SOX5: variants seen among roughly 807,000 people sequenced by gnomAD.
SOX5 encodes the protein SRY-box transcription factor 5.
In SOX5, 9 loss-of-function variants were observed where a neutral mutation model predicts 92.0. The ratio of observed to expected loss-of-function variants is 0.10; its 90% confidence interval spans 0.06 to 0.17. The LOEUF (loss-of-function observed/expected upper bound fraction) is 0.17. Ranked by LOEUF, SOX5 falls within the 10% of genes least tolerant of loss-of-function variation. SOX5 has a pLI of 1.00. For missense variants in SOX5, 642 were observed against 944.5 expected (o/e 0.68, Z 4.20); for synonymous variants, 344 against 336.3 (o/e 1.02, Z -0.25).
At chr12:23,887,917 ATGTG>A (rs61356582) in intron 2 of SOX5, among the ~76,000 whole-genome samples, 4,556 of 144,730 alleles carry the variant, frequency 0.031, 98 homozygotes, top group Non-Finnish European at 0.043. Flanking sequence ...CAGTGTGTAT[ATGTG>A]TGTGTGTGTG....
intron 8 of SOX5, among the ~76,000 whole-genome samples, chr12:23,609,160 A>G (rs1030501173): frequency 7.9e-5 from 12 of 152,302 alleles, no homozygotes; most frequent in East Asian, 1.9e-4. Flanking sequence ...CAAGGGAAAT[A>G]TAGAGATTGG....
At chr12:24,043,773 C>T (rs905254753) in intron 4 of SOX5, among the ~76,000 whole-genome samples, 2 of 152,048 alleles carry the variant, frequency 1.3e-5, no homozygotes, top group African/African-American at 2.4e-5. Context: ...GATATAGCTA[C>T]CTCTTGAATT....
At chr12:24,113,082 G>A (rs1014832040) in intron 4 of SOX5, among the ~76,000 whole-genome samples, 6 of 151,388 alleles carry the variant, frequency 4.0e-5, no homozygotes, top group African/African-American at 1.5e-4. Flanking sequence ...AAGCTGTTCA[G>A]GTGCTTATTT....
chr12:24,395,755 G>C (rs1382068239), intron 1 of SOX5, among the ~76,000 whole-genome samples: 1 of 152,204 alleles, frequency 6.6e-6, no homozygotes. Flanking sequence ...GACCCTGACA[G>C]GCTGGTGCCT....
At chr12:24,183,913 G>A (rs775086807) in intron 4 of SOX5, among the ~76,000 whole-genome samples, 1 of 152,136 alleles carries the variant, frequency 6.6e-6, no homozygotes, top group Non-Finnish European at 1.5e-5. Context: ...ATTAATTTGT[G>A]AGAACTGATG....
chr12:23,703,539 T>C (rs1380044931), intron 6 of SOX5, among the ~76,000 whole-genome samples: 2 of 151,914 alleles, frequency 1.3e-5, no homozygotes, highest in Non-Finnish European at 2.9e-5. Context: ...GGACAGAGAA[T>C]GAAATAAGGT....
At chr12:24,417,532 A>C (rs1403947104) in intron 1 of SOX5, among the ~76,000 whole-genome samples, 1 of 152,246 alleles carries the variant, frequency 6.6e-6, no homozygotes, top group East Asian at 1.9e-4. Context: ...ATAATCTACA[A>C]CAGACAATGT....
chr12:23,774,768 T>C (rs2095046503), intron 3 of SOX5, among the ~76,000 whole-genome samples: 1 of 152,090 alleles, frequency 6.6e-6, no homozygotes, highest in African/African-American at 2.4e-5. Context: ...AGTCATTTTC[T>C]CTGAAGAAAA....
chr12:24,442,492 G>A (rs1940787077), intron 1 of SOX5, among the ~76,000 whole-genome samples: 2 of 152,202 alleles, frequency 1.3e-5, no homozygotes, highest in South Asian at 4.1e-4. Context: ...AAAGAAGAGA[G>A]AGAGATTGTC....
At chr12:24,075,471 C>A (rs556840301) in intron 4 of SOX5, among the ~76,000 whole-genome samples, 2 of 151,536 alleles carry the variant, frequency 1.3e-5, no homozygotes, top group African/African-American at 2.4e-5. Flanking sequence ...TTATCTGGAC[C>A]GTAGGAAAAA....
intron 2 of SOX5, among the ~76,000 whole-genome samples, chr12:24,302,557 ATT>A (rs113586904): frequency 7.4e-5 from 11 of 148,230 alleles, no homozygotes; most frequent in Admixed American, 4.7e-4. Flanking sequence ...ATGAGTTTTG[ATT>A]TTTTTTTTTC....
intron 1 of SOX5, among the ~76,000 whole-genome samples, chr12:24,562,077 C>G (rs1371812955): frequency 6.6e-6 from 1 of 152,238 alleles, no homozygotes; most frequent in East Asian, 1.9e-4. Flanking sequence ...CCAGCCGCCC[C>G]CGGGGATGAC....
intron 2 of SOX5, among the ~76,000 whole-genome samples, chr12:24,313,074 G>C (rs1163953819): frequency 6.6e-6 from 1 of 152,128 alleles, no homozygotes; most frequent in African/African-American, 2.4e-5. Context: ...CTGAGGCAAA[G>C]GGTGTGAGCA....
At chr12:24,357,315 A>G (rs1954963057) in intron 2 of SOX5, 1 of 152,188 alleles carries the variant, frequency 6.6e-6, no homozygotes, top group Non-Finnish European at 1.5e-5. Context: ...GCATGCCTTC[A>G]ACAGCATTTA....
intron 6 of SOX5, among the ~76,000 whole-genome samples, chr12:23,666,941 C>G (rs1416851228): frequency 6.6e-6 from 1 of 152,090 alleles, no homozygotes. Flanking sequence ...ACGATTCTTA[C>G]AGTTCTCATC....
chr12:23,613,623 A>C (rs1010724697), intron 8 of SOX5, among the ~76,000 whole-genome samples: 2 of 152,216 alleles, frequency 1.3e-5, no homozygotes, highest in South Asian at 4.1e-4. Context: ...ATGTCCACTG[A>C]TGGATGAATG....
At chr12:23,938,713 A>T (rs150296033) in intron 1 of SOX5, among the ~76,000 whole-genome samples, 34 of 151,110 alleles carry the variant, frequency 2.3e-4, no homozygotes, top group African/African-American at 7.5e-4. Flanking sequence ...ATGACAAGAG[A>T]TGTGTTTTTG....
At chr12:24,517,888 A>C (rs1216093764) in intron 1 of SOX5, among the ~76,000 whole-genome samples, 7 of 152,172 alleles carry the variant, frequency 4.6e-5, no homozygotes, top group Non-Finnish European at 1.5e-5. Context: ...TCTTTATACC[A>C]ATTCCTACTA....
At chr12:24,470,622 T>A (rs1316331746) in intron 1 of SOX5, among the ~76,000 whole-genome samples, 2 of 152,192 alleles carry the variant, frequency 1.3e-5, no homozygotes, top group Non-Finnish European at 2.9e-5. Flanking sequence ...CTAGTGTGAC[T>A]GCGATTTCCT....
Sources: gnomAD v4.1 joint callset for allele counts (sites outside exome capture counted in the v4.1 genomes callset) on GRCh38, gnomAD v4.1.1 for gene constraint, MANE v1.5 for transcripts, NCBI Gene and HGNC (gene_info 2026-07-23, HGNC 2026-07-21) for gene names.